Variants in EPM2A observed in about 807,000 individuals in gnomAD.
EPM2A encodes laforin.
EPM2A carries 21 observed loss-of-function variants against 26.5 expected under a neutral mutation model. That is an observed-to-expected ratio of 0.79 (90% CI 0.56 to 1.14). The LOEUF (loss-of-function observed/expected upper bound fraction) is 1.14, where lower values mean the gene tolerates loss of function less well. Ranked by LOEUF, EPM2A falls within the 50% of genes most tolerant of loss-of-function variation. The probability of loss-of-function intolerance (pLI) is 0.00; values close to 1 mark genes in which losing one functional copy is unlikely to be tolerated. For missense variants in EPM2A, 458 were observed against 440.8 expected, an observed-to-expected ratio of 1.04 and a Z score of -0.35; for synonymous variants, 217 against 177.6, an observed-to-expected ratio of 1.22 and a Z score of -1.76.
At chr6:145,706,850 T>G (rs765249287) in intron 1 of EPM2A, among the ~76,000 whole-genome samples, 6 of 152,206 alleles carry the variant, frequency 3.9e-5, no homozygotes, top group Non-Finnish European at 8.8e-5. Context: ...TTTGTGTTGC[T>G]CCAAAATTTA....
chr6:145,581,477 T>C (rs1402414954), intron 2 of EPM2A, among the ~76,000 whole-genome samples: 2 of 152,244 alleles, frequency 1.3e-5, no homozygotes, highest in African/African-American at 4.8e-5. Context: ...TTTATTTTGC[T>C]GTGCAGAAGC....
intron 2 of EPM2A, among the ~76,000 whole-genome samples, chr6:145,584,709 C>T (rs2114840066): frequency 6.6e-6 from 1 of 152,288 alleles, no homozygotes; most frequent in South Asian, 2.1e-4. Flanking sequence ...CCCCATGACT[C>T]ACTGAGGGTC....
intron 4 of EPM2A, among the ~76,000 whole-genome samples, chr6:145,409,224 A>T (rs1490064480): frequency 6.6e-6 from 1 of 152,124 alleles, no homozygotes; most frequent in African/African-American, 2.4e-5. Flanking sequence ...ATGGTTTATT[A>T]AGTCCTTTCA....
chr6:145,399,385 T>G (rs1778451167), intron 4 of EPM2A, among the ~76,000 whole-genome samples: 1 of 152,190 alleles, frequency 6.6e-6, no homozygotes, highest in East Asian at 1.9e-4. Flanking sequence ...CATGTTGTAA[T>G]CAAATAAAGA....
chr6:145,418,538 A>G (rs911655741), intron 4 of EPM2A, among the ~76,000 whole-genome samples: 1 of 152,158 alleles, frequency 6.6e-6, no homozygotes, highest in African/African-American at 2.4e-5. Flanking sequence ...TTGGAATGAG[A>G]CTTCTCTCAG....
At chr6:145,679,913 T>A (rs1375270037) in intron 2 of EPM2A, among the ~76,000 whole-genome samples, 1 of 152,096 alleles carries the variant, frequency 6.6e-6, no homozygotes, top group Non-Finnish European at 1.5e-5. Flanking sequence ...AATACTGATC[T>A]CATGAAAAAT....
intron 4 of EPM2A, among the ~76,000 whole-genome samples, chr6:145,466,693 G>T (rs375816937): frequency 6.6e-6 from 1 of 151,994 alleles, no homozygotes; most frequent in Non-Finnish European, 1.5e-5. Flanking sequence ...CACATGCACA[G>T]GTATGTTTAT....
chr6:145,735,714 G>T, upstream of EPM2A: 2 of 921,626 alleles, frequency 2.2e-6, no homozygotes, highest in Non-Finnish European at 2.7e-6. Context: ...GGAGCCGCTA[G>T]CTGCCTCTTT....
rs149809542 is a variant in EPM2A, at chr6:145,613,201, C to G, written c.340+22044G>C. On this transcript the variant is annotated intron_variant, in intron 2 of 3. Coordinates refer to the EPM2A transcript ENST00000450221. ...TAGTTGTTAACATCGCAGGAAACCA[C>G]TTTATTTGTTCATTCATAAAAAGCA... Among the ~76,000 whole-genome samples the G allele has an allele frequency of 1.1e-4, 16 of 152,290 alleles. No individual in the cohort carries two copies. The East Asian group carries it at 3.1e-3, about 29-fold the overall frequency.
chr6:145,460,140 G>T (rs1307454092), intron 4 of EPM2A, among the ~76,000 whole-genome samples: 2 of 152,112 alleles, frequency 1.3e-5, no homozygotes, highest in African/African-American at 4.8e-5. Flanking sequence ...GATAGGTAAG[G>T]ACTCGTTATC....
chr6:145,413,209 G>A (rs1023542940), intron 4 of EPM2A, among the ~76,000 whole-genome samples: 35 of 152,192 alleles, frequency 2.3e-4, no homozygotes, highest in African/African-American at 8.4e-4. Context: ...AATGTCTACA[G>A]GGAGGTCTTG....
intron 2 of EPM2A, among the ~76,000 whole-genome samples, chr6:145,561,397 C>T (rs929983525): frequency 2.0e-5 from 3 of 152,028 alleles, no homozygotes; most frequent in African/African-American, 7.2e-5. Flanking sequence ...CTAGGTAGCT[C>T]GGGACTGTAC....
At chr6:145,715,512 T>C (rs1220327458) in intron 1 of EPM2A, among the ~76,000 whole-genome samples, 1 of 152,174 alleles carries the variant, frequency 6.6e-6, no homozygotes, top group Non-Finnish European at 1.5e-5. Context: ...TGAGGATATG[T>C]TGTACTTTAA....
chr6:145,412,732 A>T (rs1411415623), intron 4 of EPM2A, among the ~76,000 whole-genome samples: 2 of 152,236 alleles, frequency 1.3e-5, no homozygotes, highest in Admixed American at 1.3e-4. Context: ...ATTGCCTAGC[A>T]GTAGAGAGAA....
In EPM2A at chr6:145,609,034, G is replaced by A. The variant is rs74911288; in HGVS notation, c.340+26211C>T. Among the ~76,000 whole-genome samples, 211 of 152,336 alleles carry A rather than the reference G, an allele frequency of 1.4e-3. 4 individuals are homozygous for A. The East Asian group carries it at 0.036, about 26-fold the overall frequency. On this transcript the variant is annotated intron_variant, in intron 2 of 3. Transcript: ENST00000450221. ...TAAGACATCATCTTAGCAAGCAGCT[G>A]TTGTCCTTTGAAACAGTAAAAAGAA...
intron 2 of EPM2A, among the ~76,000 whole-genome samples, chr6:145,515,833 C>T (rs560061545): frequency 2.6e-5 from 4 of 152,282 alleles, no homozygotes; most frequent in African/African-American, 4.8e-5. Flanking sequence ...GGTCACCTTG[C>T]GAAAGGATCC....
chr6:145,693,527 G>A (rs1781399230), intron 1 of EPM2A, among the ~76,000 whole-genome samples: 1 of 151,864 alleles, frequency 6.6e-6, no homozygotes, highest in South Asian at 2.1e-4. Context: ...ACTTCAAAAT[G>A]TGGGGAGGTA....
chr6:145,436,708 A>G (rs577525713), intron 4 of EPM2A, among the ~76,000 whole-genome samples: 2 of 151,830 alleles, frequency 1.3e-5, no homozygotes, highest in Admixed American at 6.6e-5. Flanking sequence ...GTTCAATTTT[A>G]TTTCTTTTTT....
intron 2 of EPM2A, among the ~76,000 whole-genome samples, chr6:145,538,258 C>T (rs1483657007): frequency 6.6e-6 from 1 of 151,726 alleles, no homozygotes; most frequent in South Asian, 2.1e-4. Flanking sequence ...ACAGAAGAGG[C>T]CTTTTTTTTT....
Sources: gnomAD v4.1 joint callset for allele counts (sites outside exome capture counted in the v4.1 genomes callset) on GRCh38, gnomAD v4.1.1 for gene constraint, MANE v1.5 for transcripts, NCBI Gene and HGNC (gene_info 2026-07-23, HGNC 2026-07-21) for gene names.